Variants in RAB40A observed in about 807,000 individuals in gnomAD.
RAB40A encodes the protein RAB40A, member RAS oncogene family.
For missense variants in RAB40A, 145 were observed against 230.2 expected, an observed-to-expected ratio of 0.63 and a Z score of 2.40; for synonymous variants, 65 against 99.9, an observed-to-expected ratio of 0.65 and a Z score of 2.08.
At chrX:103,503,898 C>G (rs2073241367) in intron 2 of RAB40A, among the ~76,000 whole-genome samples, 1 of 111,778 alleles carries the variant, frequency 8.9e-6, no homozygotes, top group Non-Finnish European at 1.9e-5. Context: ...CAAATTATTT[C>G]CTGTTTTCAC....
chrX:103,508,025 T>C (rs751404935), intron 2 of RAB40A, among the ~76,000 whole-genome samples: 3 of 112,855 alleles, frequency 2.7e-5, no homozygotes, highest in Non-Finnish European at 5.6e-5. Flanking sequence ...TGCCAATTGC[T>C]TTGTTACCAA....
Position 103,500,683 on chromosome X carries a change from A to G in RAB40A, c.74T>C (p.Val25Ala). The G allele has an allele frequency of 8.3e-7, 1 of 1,210,362 alleles. No individual in the cohort carries two copies. Among genetic ancestry groups the G allele is most frequent in the East Asian group, 3.0e-5 (1 of 33,766 alleles). Reference sequence around the variant, plus strand: ...GCTCTCCAGGATCTCACTCTTGCCTACGTCCCTGTCGCCCACCAGCAGGAA... The same window carrying G: ...GCTCTCCAGGATCTCACTCTTGCCTGCGTCCCTGTCGCCCACCAGCAGGAA... ...LKFLLVGDRD[V>A]GKSEILESLQ... is the part of the protein sequence containing the mutation. Residue 25 changes from valine to alanine, a missense_variant, in exon 3 of 3, where the codon GTA becomes GCA. Physicochemically the swap from Val to Ala is moderately conservative, Grantham distance 64. Coordinates refer to ENST00000304236, the MANE Select transcript of RAB40A (RefSeq NM_080879.3).
chrX:103,512,310 T>G (rs751724121), intron 2 of RAB40A, among the ~76,000 whole-genome samples: 2 of 93,835 alleles, frequency 2.1e-5, no homozygotes, highest in South Asian at 4.6e-4. Flanking sequence ...TGGTTAGCTG[T>G]TTTTTTTTTT....
chrX:103,506,956 C>T (rs761825155), intron 2 of RAB40A, among the ~76,000 whole-genome samples: 11 of 111,638 alleles, frequency 9.9e-5, no homozygotes, highest in Admixed American at 2.8e-4. Flanking sequence ...ATGTGCAGAA[C>T]GTGCAGGTTT....
intron 2 of RAB40A, among the ~76,000 whole-genome samples, chrX:103,512,772 C>T (rs910605282): frequency 3.0e-4 from 34 of 111,519 alleles, no homozygotes; most frequent in African/African-American, 1.1e-3. Flanking sequence ...TATATAATTA[C>T]ATTTGCATAA....
chrX:103,505,512 G>A (rs2073250098), intron 2 of RAB40A, among the ~76,000 whole-genome samples: 1 of 111,362 alleles, frequency 9.0e-6, no homozygotes. Flanking sequence ...TTAGTCCATG[G>A]GGTTACTGTA....
downstream of RAB40A, among the ~76,000 whole-genome samples, chrX:103,498,414 T>C (rs1486670339): frequency 8.9e-6 from 1 of 112,792 alleles, no homozygotes; most frequent in African/African-American, 3.2e-5. Context: ...GAGCTGAAGA[T>C]ACAGATTTCA....
chrX:103,503,247 G>A (rs1343321991), intron 2 of RAB40A: 2 of 751,912 alleles, frequency 2.7e-6, no homozygotes, highest in Admixed American at 8.9e-5. Flanking sequence ...TGACAGGGCT[G>A]TAGAAAGGTG....
intron 2 of RAB40A, among the ~76,000 whole-genome samples, chrX:103,513,895 A>AACAC (rs59511853): frequency 2.0e-4 from 21 of 106,830 alleles, no homozygotes; most frequent in South Asian, 8.1e-4. Flanking sequence ...GTCTCAAGAA[A>AACAC]ACACACACAC....
chrX:103,497,790 A>C (rs757282167), downstream of RAB40A, among the ~76,000 whole-genome samples: 1 of 111,877 alleles, frequency 8.9e-6, no homozygotes, highest in South Asian at 3.8e-4. Context: ...CACTGCCATC[A>C]GTATTCCCCA....
chrX:103,500,714 G>A lies in RAB40A; in HGVS notation c.43C>T (p.Leu15Phe), dbSNP rs747531234. The A allele has an allele frequency of 9.9e-6, 12 of 1,211,714 alleles. No individual in the cohort carries two copies. In the South Asian group the frequency reaches 2.1e-4, roughly 21 times the overall value. Residue 15 changes from leucine (L) to phenylalanine (F), a missense_variant, in exon 3 of 3, where the codon CTC (leucine) becomes TTC (phenylalanine). Leu to Phe is a conservative substitution (Grantham distance 22). Transcript: ENST00000304236. The part of the protein sequence containing the change: ...GSPDQAYDFL[L>F]KFLLVGDRDV... ...CTGTCGCCCACCAGCAGGAACTTGA[G>A]CAGGAAGTCATAGGCCTGGTCGGGG...
At chrX:103,512,793 G>GA (rs890672011) in intron 2 of RAB40A, among the ~76,000 whole-genome samples, 2 of 110,738 alleles carry the variant, frequency 1.8e-5, no homozygotes, top group East Asian at 2.8e-4. Flanking sequence ...TATAACTTCT[G>GA]AAAAAAAATT....
downstream of RAB40A, among the ~76,000 whole-genome samples, chrX:103,497,028 G>A (rs2073179517): frequency 9.0e-6 from 1 of 111,538 alleles, no homozygotes; most frequent in Non-Finnish European, 1.9e-5. Flanking sequence ...TGAGGTGGAG[G>A]GAGGTGCAAA....
rs2073261023 is a variant in RAB40A, at chrX:103,507,343, C to A, written c.-70-6517G>T. 2.7e-5 allele frequency among the ~76,000 whole-genome samples: 3 copies of A among 111,913 alleles called. No individual in the cohort carries two copies. In the Admixed American group the frequency reaches 2.8e-4, roughly 11 times the overall value. ...ACCAAGTATGTTTCACAAATCACAG[C>A]TACTAACCCAGTATCTGAGATGTAG... On this transcript the variant is annotated intron_variant, in intron 2 of 2. Coordinates refer to ENST00000304236, the MANE Select transcript of RAB40A (RefSeq NM_080879.3).
At chrX:103,502,802 T>C in intron 2 of RAB40A, 1 of 750,036 alleles carries the variant, frequency 1.3e-6, no homozygotes, top group Non-Finnish European at 1.6e-6. Context: ...CTTGATTATC[T>C]GTGAGATAGA....
chrX:103,518,632 G>T (rs1435756427), intron 1 of RAB40A, among the ~76,000 whole-genome samples: 1 of 111,431 alleles, frequency 9.0e-6, no homozygotes, highest in Non-Finnish European at 1.9e-5. Context: ...GACTACTATG[G>T]ATTAAAACAC....
chrX:103,509,871 T>C (rs1373074046), intron 2 of RAB40A, among the ~76,000 whole-genome samples: 3 of 108,349 alleles, frequency 2.8e-5, no homozygotes, highest in Non-Finnish European at 5.7e-5. Flanking sequence ...AGTGGGGCAA[T>C]CTCGGCTCAC....
chrX:103,508,757 T>C (rs1424262586), intron 2 of RAB40A, among the ~76,000 whole-genome samples: 2 of 111,945 alleles, frequency 1.8e-5, no homozygotes, highest in African/African-American at 6.5e-5. Flanking sequence ...TTCCCCATGG[T>C]GGTAAGACAG....
rs147005731 is a variant in RAB40A, at chrX:103,509,950, C to T, written c.-71+7424G>A. 6.7e-3 allele frequency among the ~76,000 whole-genome samples: 738 copies of T among 110,079 alleles called. 5 individuals carry two copies. Among genetic ancestry groups the T allele is most frequent in the African/African-American group, 0.023 (706 of 30,159 alleles). ...CCTCCTGAGTAGCTGGGATTACAGG[C>T]ATGTGCCACCACGCCTGGCTAATTT... is the stretch of plus-strand genomic sequence containing the variant. On this transcript the variant is annotated intron_variant, in intron 2 of 2. Coordinates refer to ENST00000304236, the MANE Select transcript of RAB40A (RefSeq NM_080879.3).
Sources: gnomAD v4.1 joint callset for allele counts (sites outside exome capture counted in the v4.1 genomes callset) on GRCh38, gnomAD v4.1.1 for gene constraint, MANE v1.5 for transcripts, NCBI Gene and HGNC (gene_info 2026-07-23, HGNC 2026-07-21) for gene names.